The following DYNC2I2 variants were observed in gnomAD, a reference collection of about 807,000 sequenced individuals.
DYNC2I2 encodes cytoplasmic dynein 2 intermediate chain 2.
Under a neutral mutation model 52.0 loss-of-function variants are expected in DYNC2I2, and 39 were observed. The observed-to-expected ratio is 0.75, with a 90% confidence interval of 0.58 to 0.98. The LOEUF (loss-of-function observed/expected upper bound fraction) is 0.98, where lower values mean the gene tolerates loss of function less well. DYNC2I2 is among the 50% of genes least tolerant of loss of function. DYNC2I2 has a pLI of 0.00. For missense variants in DYNC2I2, 743 were observed against 728.4 expected (o/e 1.02, Z -0.23); for synonymous variants, 359 against 321.1 (o/e 1.12, Z -1.26).
chr9:128,646,865 G>A (rs952522884), intron 1 of DYNC2I2, among the ~76,000 whole-genome samples: 3 of 152,212 alleles, frequency 2.0e-5, no homozygotes, highest in African/African-American at 4.8e-5. Context: ...AGTGGCTCAC[G>A]CCTGTAATCC....
the DYNC2I2 span, among the ~76,000 whole-genome samples, chr9:128,669,343 C>T: frequency 2.7e-5 from 4 of 150,894 alleles, no homozygotes; most frequent in East Asian, 2.0e-4. Flanking sequence ...CCAGCCTGGG[C>T]GACAGAGCGA....
upstream of DYNC2I2, among the ~76,000 whole-genome samples, chr9:128,657,143 C>T (rs2298038): frequency 0.048 from 7,338 of 152,254 alleles, 242 homozygotes; most frequent in East Asian, 0.13. Context: ...CCGAGAACCG[C>T]GCCACTCGAA....
At chr9:128,655,616 G>GA (rs1471051785) in intron 1 of DYNC2I2, among the ~76,000 whole-genome samples, 13 of 110,436 alleles carry the variant, frequency 1.2e-4, no homozygotes, top group African/African-American at 4.2e-4. Context: ...TCAAAAAAAA[G>GA]AAAAAAAAGA....
chr9:128,677,822 AC>A, the DYNC2I2 span, among the ~76,000 whole-genome samples: 1 of 151,942 alleles, frequency 6.6e-6, no homozygotes, highest in East Asian at 1.9e-4. Context: ...AACAACAACA[AC>A]AAAAAACACG....
chr9:128,667,537 G>A, the DYNC2I2 span, among the ~76,000 whole-genome samples: 3 of 149,958 alleles, frequency 2.0e-5, no homozygotes, highest in South Asian at 6.3e-4. Context: ...TGTTGGCCAG[G>A]CTGGTCTCAC....
At chr9:128,638,494 C>T (rs138656974) in intron 2 of DYNC2I2, among the ~76,000 whole-genome samples, 2,927 of 150,338 alleles carry the variant, frequency 0.019, 45 homozygotes, top group Non-Finnish European at 0.03. Flanking sequence ...TCCAGCCTGG[C>T]GACAGAGCGA....
At chr9:128,642,339 C>T (rs1172249770) in intron 1 of DYNC2I2, among the ~76,000 whole-genome samples, 1 of 150,154 alleles carries the variant, frequency 6.7e-6, no homozygotes, top group African/African-American at 2.5e-5. Context: ...GCCTGTAATC[C>T]TAGCTACTCA....
chr9:128,658,265 A>C (rs1361273650), upstream of DYNC2I2, among the ~76,000 whole-genome samples: 3 of 151,526 alleles, frequency 2.0e-5, no homozygotes, highest in Non-Finnish European at 4.4e-5. Context: ...TCCCCAGTTC[A>C]AGCGATTCTC....
intron 7 of DYNC2I2, 44 bp from the exon 8 acceptor site, chr9:128,634,427 G>A (rs368368335): frequency 1.5e-5 from 23 of 1,533,052 alleles, no homozygotes; most frequent in Non-Finnish European, 1.8e-5. Flanking sequence ...CAGTGCTGGG[G>A]TCTGGGTGGT....
chr9:128,650,540 T>C (rs1860702197), intron 1 of DYNC2I2, among the ~76,000 whole-genome samples: 1 of 50,312 alleles, frequency 2.0e-5, no homozygotes, highest in South Asian at 6.0e-4. Context: ...TATATATATA[T>C]ATATATATGC....
chr9:128,636,832 G>A (rs1300079386), intron 3 of DYNC2I2, 86 bp downstream of exon 3: 1 of 1,063,394 alleles, frequency 9.4e-7, no homozygotes, highest in Non-Finnish European at 1.4e-6. Context: ...CTTAGAACCA[G>A]CCCTTCCCTG....
intron 4 of DYNC2I2, 101 bp downstream of exon 4, chr9:128,636,180 G>A: frequency 6.6e-7 from 1 of 1,517,530 alleles, no homozygotes; most frequent in Non-Finnish European, 8.9e-7. Flanking sequence ...CCGCCTTCCT[G>A]TCTCCGGGCC....
At chr9:128,677,688 T>C in the DYNC2I2 span, among the ~76,000 whole-genome samples, 1 of 151,268 alleles carries the variant, frequency 6.6e-6, no homozygotes, top group African/African-American at 2.4e-5. Flanking sequence ...GCACCTGTAA[T>C]TCCAGCTACT....
chr9:128,676,852 T>TG, the DYNC2I2 span, among the ~76,000 whole-genome samples: 11 of 118,704 alleles, frequency 9.3e-5, no homozygotes, highest in Admixed American at 4.4e-4. Flanking sequence ...TTTTTTTTTG[T>TG]TTTGTTTTGT....
the DYNC2I2 span, among the ~76,000 whole-genome samples, chr9:128,665,098 T>C: frequency 6.6e-6 from 1 of 150,946 alleles, no homozygotes; most frequent in East Asian, 2.0e-4. Context: ...TGTCACCCAG[T>C]CTGGAGTACA....
the DYNC2I2 span, among the ~76,000 whole-genome samples, chr9:128,682,812 A>T: frequency 6.7e-6 from 1 of 149,228 alleles, no homozygotes; most frequent in African/African-American, 2.5e-5. Context: ...AGTAGCTGGG[A>T]CTACAGGTGC....
chr9:128,675,505 G>T, the DYNC2I2 span, among the ~76,000 whole-genome samples: 1 of 152,054 alleles, frequency 6.6e-6, no homozygotes, highest in Non-Finnish European at 1.5e-5. Flanking sequence ...ATTTGGTTTG[G>T]TTCTCCCAAC....
the DYNC2I2 span, among the ~76,000 whole-genome samples, chr9:128,664,078 C>T: frequency 6.6e-6 from 1 of 151,806 alleles, no homozygotes; most frequent in Non-Finnish European, 1.5e-5. Flanking sequence ...CTGCCTCAGC[C>T]TCCCGAATAG....
chr9:128,683,990 G>C, the DYNC2I2 span: 3 of 1,554,082 alleles, frequency 1.9e-6, no homozygotes, highest in African/African-American at 1.4e-5. Context: ...GCCTCTGCAG[G>C]CTTGCCGAAG....
Sources: allele counts gnomAD v4.1 joint callset (sites outside exome capture counted in the v4.1 genomes callset), GRCh38; gene constraint gnomAD v4.1.1; transcripts MANE v1.5; gene names NCBI Gene and HGNC (gene_info 2026-07-23, HGNC 2026-07-21).